AURKAIP1: variants seen among roughly 807,000 people sequenced by gnomAD.
AURKAIP1 encodes small ribosomal subunit protein bS22, mitochondrial.
Under a neutral mutation model 18.4 loss-of-function variants are expected in AURKAIP1, and 20 were observed. That is an observed-to-expected ratio of 1.09 (90% CI 0.77 to 1.58). AURKAIP1 has a LOEUF of 1.58. AURKAIP1 is among the 40% of genes most tolerant of loss of function. AURKAIP1 has a pLI of 0.00. For synonymous variants in AURKAIP1, 156 were observed against 120.8 expected (o/e 1.29, Z -1.91); for missense variants, 319 against 270.7 (o/e 1.18, Z -1.25).
chr1:1,374,465 A>T lies in AURKAIP1; in HGVS notation c.53-20T>A. The T allele has an allele frequency of 1.4e-6, 2 of 1,440,576 alleles. No individual in the cohort carries two copies. Among genetic ancestry groups the T allele is most frequent in the Non-Finnish European group, 1.8e-6 (2 of 1,100,926 alleles). The allele number at this position is 1,440,576 out of a possible 1,614,324, so 89.2% of individuals were successfully genotyped here. ...GGCCGCCTGCAGAAAACCAGACGCC[A>T]CGGTCACCGCTCGCGAGACCACACA... On this transcript the variant is annotated intron_variant, in intron 2 of 3. Coordinates refer to ENST00000338338, the MANE Select transcript of AURKAIP1 (RefSeq NM_017900.3).
intron 1 of AURKAIP1, 169 bp from the exon 2 acceptor site, chr1:1,374,959 C>T (rs1644334239): frequency 1.9e-6 from 1 of 532,624 alleles, no homozygotes. Flanking sequence ...CCGAGGCTCC[C>T]AAGCCCCCGA....
chr1:1,374,352 G>A lies in AURKAIP1; in HGVS notation c.146C>T (p.Ala49Val). Reference sequence around the variant, plus strand: ...CTGGGCCCCCTTGCGAGGGAGAGAGGCCGCCCTACCTGGGCCGGCCGGCGA... The same window carrying A: ...CTGGGCCCCCTTGCGAGGGAGAGAGACCGCCCTACCTGGGCCGGCCGGCGA... ...STSPAGPGRA[A>V]SLPRKGAQLE... The change falls in exon 3 of 4, where the codon GCC (alanine) becomes GTC (valine). Residue 49 changes from alanine to valine, a missense_variant. Physicochemically the swap from Ala to Val is moderately conservative, Grantham distance 64. Transcript: ENST00000338338. The A allele has an allele frequency of 1.9e-6, 3 of 1,545,390 alleles. No homozygotes were observed. In the South Asian group the frequency reaches 3.6e-5, roughly 18 times the overall value.
chr1:1,374,557 G>C, intron 2 of AURKAIP1, 112 bp from the exon 3 acceptor site: 2 of 1,364,898 alleles, frequency 1.5e-6, no homozygotes, highest in East Asian at 2.5e-5. Context: ...TTCCTGGCCT[G>C]AACCCCTGAG....
Position 1,374,289 on chromosome 1 carries a change from G to T in AURKAIP1, c.209C>A (p.Ser70Tyr), listed in dbSNP as rs1482478768. 1 of 1,593,098 alleles carries T rather than the reference G, an allele frequency of 6.3e-7. No homozygotes were observed. The change falls in exon 3 of 4, where the codon TCC becomes TAC. Residue 70 changes from serine to tyrosine, a missense_variant. By Grantham distance (144) the Ser-to-Tyr change is moderately radical. Coordinates refer to ENST00000338338, the MANE Select transcript of AURKAIP1 (RefSeq NM_017900.3). Reference protein sequence around the residue: ...LEEMLVPRKMSVSPLESWLTA... With the variant: ...LEEMLVPRKMYVSPLESWLTA... ...GAGCCAGCTCTCCAGGGGGCTGACG[G>T]ACATCTTCCTGGGGACCAGCATCTC...
intron 1 of AURKAIP1, 58 bp from the exon 2 acceptor site, chr1:1,374,848 G>C: frequency 8.0e-7 from 1 of 1,257,124 alleles, no homozygotes; most frequent in Non-Finnish European, 1.1e-6. Flanking sequence ...TCGCGGGCGG[G>C]CCGGGACTGG....
Position 1,374,287 on chromosome 1 carries a change from C to T in AURKAIP1, c.211G>A (p.Val71Ile), listed in dbSNP as rs760062990. The change falls in exon 3 of 4, where the codon GTC becomes ATC. Residue 71 changes from valine to isoleucine, a missense_variant. Physicochemically the swap from Val to Ile is conservative, Grantham distance 29. Transcript: ENST00000338338. ...EEMLVPRKMS[V>I]SPLESWLTAR... ...GTGAGCCAGCTCTCCAGGGGGCTGA[C>T]GGACATCTTCCTGGGGACCAGCATC... 3 of 1,593,124 alleles carry T rather than the reference C, an allele frequency of 1.9e-6. No individual in the cohort carries two copies. The South Asian group carries it at 3.3e-5, about 18-fold the overall frequency.
In AURKAIP1 at chr1:1,374,527, C is replaced by G; in HGVS notation, c.53-82G>C. ...TTGAGGAGCAGCAGGTTCGTCCCAG[C>G]GAGGATCCCCCGCACCTCATTCCTG... On this transcript the variant is annotated intron_variant, in intron 2 of 3. Coordinates refer to ENST00000338338, the MANE Select transcript of AURKAIP1 (RefSeq NM_017900.3). 5.8e-6 allele frequency: 8 copies of G among 1,369,568 alleles called. No individual in the cohort carries two copies. The South Asian group carries it at 7.3e-5, about 12-fold the overall frequency. 84.8% of individuals were successfully genotyped at this position (1,369,568 alleles called of 1,614,324 possible). A position where few individuals can be genotyped will look rare whatever the true frequency, so the allele number is the denominator to read the frequency against.
At chr1:1,374,606 G>C in intron 2 of AURKAIP1, 99 bp downstream of exon 2, 3 of 1,380,050 alleles carry the variant, frequency 2.2e-6, no homozygotes, top group Non-Finnish European at 3.0e-6. Context: ...AGGGGAAAGA[G>C]TGTGTGTGTG....
At position 1,373,758 on chromosome 1, in the gene AURKAIP1, C is replaced by A; in HGVS notation, c.*43G>T. On this transcript the variant is annotated 3_prime_UTR_variant, in exon 4 of 4. Transcript: ENST00000338338. ...GGCTGAGTCCTCTGAGAATTTATTA[C>A]TACGGATCACAGCAGCAACGGGCGG... 6.5e-7 allele frequency: 1 copy of A among 1,544,606 alleles called. No individual in the cohort carries two copies. Among genetic ancestry groups the A allele is most frequent in the African/African-American group, 1.4e-5 (1 of 72,914 alleles).
chr1:1,374,277 AG>A lies in AURKAIP1; in HGVS notation c.220del (p.Leu74TrpfsTer35), dbSNP rs1335792637. ...LVPRKMSVSP[L>X]ESWLTARCFL... is the part of the protein sequence containing the mutation. Reference sequence around the variant, plus strand: ...GCAGCGGGCCGTGAGCCAGCTCTCCAGGGGGCTGACGGACATCTTCCTGGGG... The same window carrying A: ...GCAGCGGGCCGTGAGCCAGCTCTCCAGGGGCTGACGGACATCTTCCTGGGG... On this transcript the variant is annotated frameshift_variant, in exon 3 of 4. Transcript: ENST00000338338. LOFTEE classifies it high-confidence loss of function. 1.3e-6 allele frequency: 2 copies of A among 1,599,618 alleles called. No individual in the cohort carries two copies. Among genetic ancestry groups the A allele is most frequent in the African/African-American group, 1.3e-5 (1 of 74,746 alleles).
chr1:1,374,344 GGA>G lies in AURKAIP1; in HGVS notation c.152_153del (p.Leu51ProfsTer66), dbSNP rs1240070427. On this transcript the variant is annotated frameshift_variant, in exon 3 of 4. Transcript: ENST00000338338. LOFTEE classifies it high-confidence loss of function. ...SPAGPGRAASLPRKGAQLELE... is the reference protein window; with the variant it reads ...SPAGPGRAASXPRKGAQLELE... ...AGCTCCAGCTGGGCCCCCTTGCGAG[GGA>G]GAGAGGCCGCCCTACCTGGGCCGGC... is the stretch of plus-strand genomic sequence containing the variant. 3.2e-6 allele frequency: 5 copies of G among 1,554,768 alleles called. No homozygotes were observed. Among genetic ancestry groups the G allele is most frequent in the South Asian group, 2.3e-5 (2 of 85,486 alleles).
rs764246779 is a variant in AURKAIP1 at position 1,373,991 on chromosome 1, G to A, written c.498+9C>T. ...TTGCCCTCCCAGGGCCAAGCAGGGG[G>A]CCACTCACCTGCTTGCGTCTCAGGC... is the stretch of plus-strand genomic sequence containing the variant. On this transcript the variant is annotated intron_variant, in intron 3 of 3. Transcript: ENST00000338338. 9 of 1,608,260 alleles carry A rather than the reference G, an allele frequency of 5.6e-6. No individual in the cohort carries two copies. Among genetic ancestry groups the A allele is most frequent in the Non-Finnish European group, 6.8e-6 (8 of 1,179,622 alleles).
Position 1,373,827 on chromosome 1 carries a change from G to A in AURKAIP1, c.574C>T (p.Pro192Ser), listed in dbSNP as rs1304302177. ...LKEAPEGWQT[P>S]KIYLRGK ...CATTTGCCCCGCAGGTAGATCTTGG[G>A]GGTCTGCCAGCCTTCGGGGGCTTCC... Residue 192 changes from proline to serine, a missense_variant, in exon 4 of 4, where the codon CCC (proline) becomes TCC (serine). Transcript: ENST00000338338. 14 of 1,600,118 alleles carry A rather than the reference G, an allele frequency of 8.7e-6. 1 individual carries two copies. In the Middle Eastern group the frequency reaches 5.3e-4, roughly 60 times the overall value.
At chr1:1,374,531 G>A in intron 2 of AURKAIP1, 86 bp from the exon 3 acceptor site, 1 of 1,363,606 alleles carries the variant, frequency 7.3e-7, no homozygotes, top group Non-Finnish European at 9.8e-7. Context: ...TCCCAGCGAG[G>A]ATCCCCCGCA....
In AURKAIP1 at chr1:1,374,094, C is replaced by T. The variant is rs1195883994; in HGVS notation, c.404G>A (p.Arg135Gln). 14 of 1,611,612 alleles carry T rather than the reference C, an allele frequency of 8.7e-6. No homozygotes were observed. Among genetic ancestry groups the T allele is most frequent in the Non-Finnish European group, 2.5e-6 (3 of 1,178,656 alleles). Residue 135 changes from arginine to glutamine, a missense_variant, in exon 3 of 4, where the codon CGG becomes CAG. Physicochemically the swap from Arg to Gln is conservative, Grantham distance 43. Transcript: ENST00000338338. Reference protein sequence around the residue: ...IQCKNVLKIRRRKMNHHKYRK... With the variant: ...IQCKNVLKIRQRKMNHHKYRK... ...GTACTTGTGGTGGTTCATCTTCCGCCGGCGGATCTTCAGCACGTTTTTGCA... is the reference window on the plus strand; with the variant it reads ...GTACTTGTGGTGGTTCATCTTCCGCTGGCGGATCTTCAGCACGTTTTTGCA...
rs558479685 is a variant in AURKAIP1 at position 1,373,986 on chromosome 1, AG to A, written c.498+13del. Reference sequence around the variant, plus strand: ...GCACTTTGCCCTCCCAGGGCCAAGCAGGGGGCCACTCACCTGCTTGCGTCTC... The same window carrying A: ...GCACTTTGCCCTCCCAGGGCCAAGCAGGGGCCACTCACCTGCTTGCGTCTC... On this transcript the variant is annotated intron_variant, in intron 3 of 3. Coordinates refer to ENST00000338338, the MANE Select transcript of AURKAIP1 (RefSeq NM_017900.3). 5.6e-6 allele frequency: 9 copies of A among 1,608,652 alleles called. No homozygotes were observed. The highest frequency in any genetic ancestry group is 3.3e-5 in the Admixed American group (2 of 59,816).
rs777691455 is a variant in AURKAIP1 at position 1,374,228 on chromosome 1, C to A, written c.270G>T (p.Gly90=). The A allele has an allele frequency of 3.1e-6, 5 of 1,612,758 alleles. No individual in the cohort carries two copies. The South Asian group carries it at 3.3e-5, about 11-fold the overall frequency. The part of the protein sequence containing the change: ...ARCFLPRLDT[G]TAGTVAPPQS... ...GCGGTGGAGCCACAGTCCCTGCGGT[C>A]CCGGTATCCAGTCTGGGCAGGAAGC... Residue 90 remains glycine (G), a synonymous_variant, in exon 3 of 4, where the codon GGG becomes GGT. Coordinates refer to ENST00000338338, the MANE Select transcript of AURKAIP1 (RefSeq NM_017900.3).
Position 1,374,375 on chromosome 1 carries a change from C to G in AURKAIP1, c.123G>C (p.Ser41=). 1 of 1,510,954 alleles carries G rather than the reference C, an allele frequency of 6.6e-7. No individual in the cohort carries two copies. Among genetic ancestry groups the G allele is most frequent in the Non-Finnish European group, 8.8e-7 (1 of 1,135,018 alleles). 93.6% of individuals were successfully genotyped at this position (1,510,954 alleles called of 1,614,324 possible). Residue 41 remains serine (S), a synonymous_variant, in exon 3 of 4, where the codon TCG becomes TCC. Transcript: ENST00000338338. ...SRVCGPLYST[S]PAGPGRAASL... The stretch of plus-strand genomic sequence containing the variant: ...AGGCCGCCCTACCTGGGCCGGCCGG[C>G]GATGTGCTGTAAAGGGGCCCGCAGA...
At position 1,374,978 on chromosome 1, in the gene AURKAIP1, G is replaced by A. The variant is rs191693192; in HGVS notation, c.-35+176C>T. 4.9e-4 allele frequency: 249 copies of A among 508,352 alleles called. 1 individual carries two copies. Among genetic ancestry groups the A allele is most frequent in the African/African-American group, 4.8e-3 (228 of 47,700 alleles). The allele number at this position is 508,352 out of a possible 1,614,324, so 31.5% of individuals were successfully genotyped here. A position where few individuals can be genotyped will look rare whatever the true frequency, so the allele number is the denominator to read the frequency against. On this transcript the variant is annotated intron_variant, in intron 1 of 3. Transcript: ENST00000338338. ...GGCTCCCAAGCCCCCGACGCGGGCGGTGTCGCGCTCGGACGCACCGAAAGG... is the reference window on the plus strand; with the variant it reads ...GGCTCCCAAGCCCCCGACGCGGGCGATGTCGCGCTCGGACGCACCGAAAGG...
Sources: allele counts gnomAD v4.1 joint callset, GRCh38; gene constraint gnomAD v4.1.1; transcripts MANE v1.5; gene names NCBI Gene and HGNC (gene_info 2026-07-23, HGNC 2026-07-21).